NIPAL2: variants seen among roughly 807,000 people sequenced by gnomAD.
The protein encoded by NIPAL2 is NIPA like domain containing 2, also known as NIPA-like protein 2.
NIPAL2 carries 43 observed loss-of-function variants against 48.9 expected under a neutral mutation model. That is an observed-to-expected ratio of 0.88 (90% CI 0.69 to 1.13). The LOEUF is 1.13. Ranked by LOEUF, NIPAL2 falls within the 50% of genes most tolerant of loss-of-function variation. The probability of loss-of-function intolerance (pLI) is 0.00; values close to 1 mark genes in which losing one functional copy is unlikely to be tolerated. For missense variants in NIPAL2, 446 were observed against 461.4 expected (o/e 0.97, Z 0.31); for synonymous variants, 167 against 174.6 (o/e 0.96, Z 0.34).
intron 4 of NIPAL2, among the ~76,000 whole-genome samples, chr8:98,224,751 T>TTTTC (rs1436768993): frequency 1.1e-5 from 1 of 88,956 alleles, no homozygotes; most frequent in African/African-American, 3.7e-5. Context: ...TCTTTCTTTC[T>TTTTC]TTTCTTTTTT....
chr8:98,294,110 C>A lies in NIPAL2; in HGVS notation c.28G>T (p.Gly10Trp). Residue 10 changes from glycine to tryptophan, a missense_variant, in exon 1 of 11, where the codon GGG (glycine) becomes TGG (tryptophan). Transcript: ENST00000430223. MAAVAPAGP[G>W]DSASAALDEL... ...TCCAGGGCGGCCGAGGCGGAGTCCCCGGGGCCCGCGGGCGCCACCGCTGCC... is the reference window on the plus strand; with the variant it reads ...TCCAGGGCGGCCGAGGCGGAGTCCCAGGGGCCCGCGGGCGCCACCGCTGCC... 2 of 1,473,678 alleles carry A rather than the reference C, an allele frequency of 1.4e-6. No individual in the cohort carries two copies. The highest frequency in any genetic ancestry group is 1.8e-6 in the Non-Finnish European group (2 of 1,111,604). 91.3% of individuals were successfully genotyped at this position (1,473,678 alleles called of 1,614,324 possible).
intron 3 of NIPAL2, among the ~76,000 whole-genome samples, chr8:98,249,637 A>T (rs1186137187): frequency 6.8e-6 from 1 of 147,710 alleles, no homozygotes; most frequent in African/African-American, 2.5e-5. Context: ...AATACAATTT[A>T]ATATAATTAT....
At chr8:98,280,761 T>TATATATATATATATATAG in intron 1 of NIPAL2, among the ~76,000 whole-genome samples, 63 of 30,018 alleles carry the variant, frequency 2.1e-3, no homozygotes, top group Non-Finnish European at 3.4e-3. Flanking sequence ...TATATATATA[T>TATATATATATATATATAG]AGAGAGAGAG....
chr8:98,199,505 G>A (rs969042565), intron 8 of NIPAL2, among the ~76,000 whole-genome samples: 17 of 152,066 alleles, frequency 1.1e-4, no homozygotes, highest in Non-Finnish European at 1.9e-4. Flanking sequence ...GAGGCCCAAG[G>A]GGAAGGAGAG....
chr8:98,245,993 G>A (rs918350583), intron 3 of NIPAL2, among the ~76,000 whole-genome samples: 7 of 152,194 alleles, frequency 4.6e-5, no homozygotes, highest in Non-Finnish European at 1.0e-4. Context: ...ATCCTGTGAG[G>A]TTTTAGAGTT....
chr8:98,283,482 C>T (rs1016115844), intron 1 of NIPAL2, among the ~76,000 whole-genome samples: 5 of 152,272 alleles, frequency 3.3e-5, no homozygotes, highest in East Asian at 3.9e-4. Flanking sequence ...AACAGACATG[C>T]TGAACACAAA....
intron 2 of NIPAL2, 54 bp from the exon 3 acceptor site, chr8:98,252,688 G>T: frequency 6.8e-7 from 1 of 1,474,650 alleles, no homozygotes; most frequent in Non-Finnish European, 9.1e-7. Flanking sequence ...TGAGGGGAAT[G>T]CCACTTTTTT....
Position 98,293,989 on chromosome 8 carries a change from G to T in NIPAL2, c.135+14C>A. The T allele has an allele frequency of 6.9e-7, 1 of 1,450,306 alleles. No homozygotes were observed. Among genetic ancestry groups the T allele is most frequent in the Non-Finnish European group, 9.1e-7 (1 of 1,098,956 alleles). 89.8% of individuals were successfully genotyped at this position (1,450,306 alleles called of 1,614,324 possible). ...GTCCCCACCGGGCTGCGGTGGCTGC[G>T]GGGCGGCCCTTACCTGGTTCCTGCG... On this transcript the variant is annotated intron_variant, in intron 1 of 10. Transcript: ENST00000430223.
intron 1 of NIPAL2, among the ~76,000 whole-genome samples, chr8:98,276,759 C>CT (rs572715783): frequency 6.5e-4 from 96 of 148,674 alleles, no homozygotes; most frequent in South Asian, 1.9e-3. Context: ...TTCTTTCTTT[C>CT]TTTTTTTTTT....
intron 1 of NIPAL2, among the ~76,000 whole-genome samples, chr8:98,293,101 G>A (rs1816577343): frequency 1.3e-5 from 2 of 152,170 alleles, no homozygotes; most frequent in South Asian, 4.1e-4. Flanking sequence ...AAGGAATCCA[G>A]ATCTTTGATA....
chr8:98,200,291 A>G (rs182287573), intron 8 of NIPAL2, among the ~76,000 whole-genome samples: 19 of 152,296 alleles, frequency 1.2e-4, no homozygotes, highest in Admixed American at 1.0e-3. Context: ...CCCATTATAC[A>G]ACTCATTTCC....
chr8:98,194,659 C>CA, intron 10 of NIPAL2, 69 bp downstream of exon 10: 1 of 811,734 alleles, frequency 1.2e-6, no homozygotes, highest in Non-Finnish European at 1.9e-6. Context: ...ACTTACCACC[C>CA]AAAATAATAC....
intron 3 of NIPAL2, among the ~76,000 whole-genome samples, chr8:98,242,196 T>A (rs1813016716): frequency 1.3e-5 from 2 of 152,208 alleles, no homozygotes; most frequent in African/African-American, 4.8e-5. Context: ...GTTCTTTTTT[T>A]TGAGACAGGG....
At chr8:98,210,878 C>T (rs1024600434) in intron 6 of NIPAL2, among the ~76,000 whole-genome samples, 4 of 152,156 alleles carry the variant, frequency 2.6e-5, no homozygotes, top group African/African-American at 7.2e-5. Flanking sequence ...TACTTTCAAG[C>T]TGATTTACCT....
intron 8 of NIPAL2, 82 bp downstream of exon 8, chr8:98,203,026 A>C: frequency 9.1e-7 from 1 of 1,099,968 alleles, no homozygotes; most frequent in East Asian, 2.4e-5. Context: ...TACAACCTAA[A>C]GATTTCTGGA....
At chr8:98,203,464 C>T (rs552825418) in intron 7 of NIPAL2, among the ~76,000 whole-genome samples, 6 of 152,222 alleles carry the variant, frequency 3.9e-5, no homozygotes, top group East Asian at 1.9e-4. Flanking sequence ...GAGTTGGAAG[C>T]GATTCAAGCT....
chr8:98,192,623 G>A lies in NIPAL2; in HGVS notation c.*355C>T. 5.0e-6 allele frequency: 1 copy of A among 199,038 alleles called. No homozygotes were observed. The highest frequency in any genetic ancestry group is 5.4e-5 in the Admixed American group (1 of 18,496). 12.3% of individuals were successfully genotyped at this position (199,038 alleles called of 1,614,324 possible). A position where few individuals can be genotyped will look rare whatever the true frequency, so the allele number is the denominator to read the frequency against. On this transcript the variant is annotated 3_prime_UTR_variant, in exon 11 of 11. Transcript: ENST00000430223. The stretch of plus-strand genomic sequence containing the variant: ...AGTGACTTTTTAAAGTGAAGCAACT[G>A]ACACTACCCGTGGGAGAAGCCACCT...
At chr8:98,251,281 G>T (rs1813572004) in intron 3 of NIPAL2, among the ~76,000 whole-genome samples, 1 of 152,084 alleles carries the variant, frequency 6.6e-6, no homozygotes, top group Non-Finnish European at 1.5e-5. Context: ...GCAGGAGTCT[G>T]GAGGGATCCC....
At chr8:98,260,422 C>T (rs1459302388) in intron 1 of NIPAL2, among the ~76,000 whole-genome samples, 1 of 152,202 alleles carries the variant, frequency 6.6e-6, no homozygotes, top group Non-Finnish European at 1.5e-5. Context: ...TGGGTGCGCG[C>T]ACCGTGTGCG....
Sources: allele counts gnomAD v4.1 joint callset (sites outside exome capture counted in the v4.1 genomes callset), GRCh38; gene constraint gnomAD v4.1.1; transcripts MANE v1.5; gene names NCBI Gene and HGNC (gene_info 2026-07-23, HGNC 2026-07-21).